Variants in GALNT14 observed in about 807,000 individuals in gnomAD.
GALNT14 encodes the protein polypeptide N-acetylgalactosaminyltransferase 14.
GALNT14 carries 60 observed loss-of-function variants against 77.5 expected under a neutral mutation model. The observed-to-expected ratio is 0.77, with a 90% CI of 0.63 to 0.96. The LOEUF (loss-of-function observed/expected upper bound fraction) is 0.96. GALNT14 is among the 40% of genes least tolerant of loss of function. The pLI is 0.00. For missense variants in GALNT14, 710 were observed against 731.0 expected, an observed-to-expected ratio of 0.97 and a Z score of 0.33; for synonymous variants, 280 against 281.7, an observed-to-expected ratio of 0.99 and a Z score of 0.06.
chr2:30,936,487 G>A (rs1442817524), intron 9 of GALNT14, among the ~76,000 whole-genome samples: 1 of 152,176 alleles, frequency 6.6e-6, no homozygotes, highest in African/African-American at 2.4e-5. Context: ...ATATGTGTGT[G>A]TATTGTGTAT....
intron 1 of GALNT14, among the ~76,000 whole-genome samples, chr2:31,107,784 T>G (rs1046441627): frequency 3.9e-5 from 6 of 152,214 alleles, no homozygotes; most frequent in African/African-American, 1.4e-4. Flanking sequence ...TTTGCCATTA[T>G]GAAGGGTTTC....
At chr2:30,917,522 G>A (rs963675456) in intron 13 of GALNT14, among the ~76,000 whole-genome samples, 21 of 152,280 alleles carry the variant, frequency 1.4e-4, no homozygotes, top group African/African-American at 4.3e-4. Context: ...TACCCCATCT[G>A]TCAATACTCT....
chr2:30,916,309 G>A (rs1664674663), intron 13 of GALNT14, among the ~76,000 whole-genome samples: 1 of 152,214 alleles, frequency 6.6e-6, no homozygotes, highest in African/African-American at 2.4e-5. Context: ...TTTTCTCTCT[G>A]TGCCCGGTTA....
chr2:31,055,497 C>T (rs1004590278), intron 1 of GALNT14, among the ~76,000 whole-genome samples: 1 of 152,166 alleles, frequency 6.6e-6, no homozygotes, highest in South Asian at 2.1e-4. Context: ...ACTCCAGTTA[C>T]TGGAGGCCAA....
At chr2:31,013,550 G>A (rs535787435) in intron 1 of GALNT14, among the ~76,000 whole-genome samples, 106 of 152,322 alleles carry the variant, frequency 7.0e-4, no homozygotes, top group Middle Eastern at 3.4e-3. Context: ...AATGTGACCA[G>A]AAGCATTTTA....
intron 6 of GALNT14, among the ~76,000 whole-genome samples, chr2:30,946,838 A>G (rs954323817): frequency 1.3e-5 from 2 of 152,170 alleles, no homozygotes; most frequent in African/African-American, 4.8e-5. Flanking sequence ...ATAGTCACAA[A>G]TTTGTACCAG....
At chr2:31,010,425 C>T (rs1036354503) in intron 1 of GALNT14, among the ~76,000 whole-genome samples, 2 of 152,144 alleles carry the variant, frequency 1.3e-5, no homozygotes, top group Non-Finnish European at 2.9e-5. Flanking sequence ...CGGTAAAACC[C>T]CATCTCTACT....
At chr2:30,989,605 T>TAA (rs1669549598) in intron 2 of GALNT14, among the ~76,000 whole-genome samples, 9 of 138,746 alleles carry the variant, frequency 6.5e-5, no homozygotes, top group South Asian at 4.5e-4. Flanking sequence ...TTAGTAGATA[T>TAA]ATAAAAATAT....
intron 1 of GALNT14, among the ~76,000 whole-genome samples, chr2:31,076,630 T>TATA (rs1553373510): frequency 2.3e-4 from 20 of 87,246 alleles, no homozygotes; most frequent in African/African-American, 4.0e-4. Flanking sequence ...TATATATATA[T>TATA]TTTTTTTTTT....
intron 1 of GALNT14, chr2:31,079,130 G>T: frequency 9.0e-7 from 1 of 1,112,460 alleles, no homozygotes; most frequent in Non-Finnish European, 1.2e-6. Flanking sequence ...CACACCTTTG[G>T]GACACCAGCT....
At chr2:31,018,475 C>T (rs1671520074) in intron 1 of GALNT14, among the ~76,000 whole-genome samples, 1 of 152,036 alleles carries the variant, frequency 6.6e-6, no homozygotes, top group African/African-American at 2.4e-5. Context: ...GAGGAAAAGC[C>T]CCTTATAAAA....
chr2:31,129,151 A>T (rs1272892398), intron 1 of GALNT14: 1 of 153,826 alleles, frequency 6.5e-6, no homozygotes, highest in Non-Finnish European at 1.4e-5. Context: ...GAAACAGCAT[A>T]TGCGTGACAG....
chr2:30,901,899 G>C, the GALNT14 span, among the ~76,000 whole-genome samples: 1 of 152,158 alleles, frequency 6.6e-6, no homozygotes, highest in Non-Finnish European at 1.5e-5. Context: ...TCTAAATCTT[G>C]TGAGCCTTTA....
the GALNT14 span, among the ~76,000 whole-genome samples, chr2:30,904,236 G>A: frequency 1.8e-4 from 27 of 152,186 alleles, no homozygotes; most frequent in Non-Finnish European, 2.8e-4. Context: ...AACAGCTCCC[G>A]TCTACAGCTC....
chr2:30,962,325 T>C (rs1194755507), intron 3 of GALNT14, among the ~76,000 whole-genome samples: 2 of 152,236 alleles, frequency 1.3e-5, no homozygotes, highest in Admixed American at 1.3e-4. Flanking sequence ...GGCAGAGCCA[T>C]GAAAATCTGG....
At chr2:31,027,953 G>A (rs1337560576) in intron 1 of GALNT14, among the ~76,000 whole-genome samples, 1 of 142,398 alleles carries the variant, frequency 7.0e-6, no homozygotes. Flanking sequence ...GGGTAGGGGA[G>A]CCTTCATCAG....
intron 13 of GALNT14, among the ~76,000 whole-genome samples, chr2:30,913,985 C>T (rs1192780109): frequency 6.6e-6 from 1 of 152,282 alleles, no homozygotes; most frequent in South Asian, 2.1e-4. Context: ...TTCTACACAT[C>T]CCATTTGCCT....
intron 1 of GALNT14, among the ~76,000 whole-genome samples, chr2:30,994,792 C>G (rs1669919070): frequency 6.6e-6 from 1 of 152,124 alleles, no homozygotes; most frequent in Non-Finnish European, 1.5e-5. Context: ...GTTGTGAGCC[C>G]TTATGGTGCT....
At chr2:30,983,951 C>T (rs1426824327) in intron 2 of GALNT14, among the ~76,000 whole-genome samples, 1 of 152,180 alleles carries the variant, frequency 6.6e-6, no homozygotes, top group East Asian at 1.9e-4. Context: ...CATGGACTAG[C>T]TGTGTGACCC....
Sources: gnomAD v4.1 joint callset for allele counts (sites outside exome capture counted in the v4.1 genomes callset) on GRCh38, gnomAD v4.1.1 for gene constraint, MANE v1.5 for transcripts, NCBI Gene and HGNC (gene_info 2026-07-23, HGNC 2026-07-21) for gene names.